The following KIAA0825 variants were observed in gnomAD, a reference collection of about 807,000 sequenced individuals.
The protein encoded by KIAA0825 is KIAA0825.
A neutral mutation model predicts 147.6 loss-of-function variants in KIAA0825; 119 were observed. The observed-to-expected ratio is 0.81, with a 90% confidence interval of 0.69 to 0.94. KIAA0825 has a LOEUF of 0.94. Ranked by LOEUF, KIAA0825 falls within the 40% of genes least tolerant of loss-of-function variation. The pLI is 0.00. For synonymous variants in KIAA0825, 470 were observed against 518.1 expected (o/e 0.91, Z 1.26); for missense variants, 1,381 against 1,472.7 (o/e 0.94, Z 1.02).
chr5:94,437,530 GATA>G (rs1756532182), intron 14 of KIAA0825, among the ~76,000 whole-genome samples: 1 of 152,154 alleles, frequency 6.6e-6, no homozygotes, highest in African/African-American at 2.4e-5. Flanking sequence ...TGATACCTTT[GATA>G]ACTCCAAGTT....
chr5:94,607,823 T>G (rs2079607847), intron 1 of KIAA0825, among the ~76,000 whole-genome samples: 1 of 152,164 alleles, frequency 6.6e-6, no homozygotes, highest in Admixed American at 6.5e-5. Flanking sequence ...GATAAATCAT[T>G]GTTTCTTTTG....
At position 94,386,354 on chromosome 5, in the gene KIAA0825, T is replaced by C. The variant is rs1377592220; in HGVS notation, c.3507A>G (p.Pro1169=). The C allele has an allele frequency of 1.7e-5, 26 of 1,551,762 alleles. No individual in the cohort carries two copies. The East Asian group carries it at 5.4e-4, about 32-fold the overall frequency. ...LFSMNSSEEK[P]LPIRPLKTTL... ...TCGTCTTTAAAGGTCGGATGGGTAA[T>C]GGCTTTTCCTCTGAACTATTCATAG... Residue 1169 remains proline, a synonymous_variant, in exon 19 of 21, where the codon CCA becomes CCG. Transcript: ENST00000682413.
rs200726923 is a variant in KIAA0825 at position 94,520,432 on chromosome 5, T to C, written c.786A>G (p.Leu262=). ...YSVIKEDFNT[L]CEILAPSSMV... The stretch of plus-strand genomic sequence containing the variant: ...TTGAAGATGGAGCTAAAATTTCACA[T>C]AGTGTGTTAAAATCCTCTTTTATTA... Residue 262 remains leucine (L), a synonymous_variant, in exon 5 of 21, where the codon CTA becomes CTG. Coordinates refer to ENST00000682413, the MANE Select transcript of KIAA0825 (RefSeq NM_001145678.3). The C allele has an allele frequency of 1.2e-6, 2 of 1,612,792 alleles. No homozygotes were observed. The highest frequency in any genetic ancestry group is 1.1e-5 in the South Asian group (1 of 91,046).
At chr5:94,329,093 T>C (rs144439414) in intron 20 of KIAA0825, among the ~76,000 whole-genome samples, 1 of 152,170 alleles carries the variant, frequency 6.6e-6, no homozygotes, top group Non-Finnish European at 1.5e-5. Context: ...GAAATGGAAA[T>C]TTTGCCACAT....
At chr5:94,487,050 AAG>A (rs1763139174) in intron 5 of KIAA0825, among the ~76,000 whole-genome samples, 1 of 152,176 alleles carries the variant, frequency 6.6e-6, no homozygotes. Context: ...AAGAATCTTT[AAG>A]AGTCAAAATT....
intron 7 of KIAA0825, among the ~76,000 whole-genome samples, chr5:94,474,577 A>G (rs776526530): frequency 6.6e-6 from 1 of 152,146 alleles, no homozygotes; most frequent in African/African-American, 2.4e-5. Flanking sequence ...ATTTTCTTAT[A>G]TGTACAACTC....
At chr5:94,196,393 CT>C (rs1562307076) in intron 20 of KIAA0825, among the ~76,000 whole-genome samples, 1 of 152,068 alleles carries the variant, frequency 6.6e-6, no homozygotes, top group East Asian at 1.9e-4. Context: ...TCACAATCTT[CT>C]TTTGCTTTGT....
At chr5:94,292,723 C>A (rs144197064) in intron 20 of KIAA0825, among the ~76,000 whole-genome samples, 1,534 of 152,190 alleles carry the variant, frequency 0.01, 27 homozygotes, top group African/African-American at 0.036. Flanking sequence ...TGGTAGAAAT[C>A]GGCTGTGAAT....
At chr5:94,607,779 G>T (rs1465199245) in intron 1 of KIAA0825, among the ~76,000 whole-genome samples, 2 of 152,212 alleles carry the variant, frequency 1.3e-5, no homozygotes, top group Non-Finnish European at 2.9e-5. Flanking sequence ...ATCAAGTAGT[G>T]AGCGGAGCTT....
chr5:94,573,944 G>A (rs960629669), intron 2 of KIAA0825, among the ~76,000 whole-genome samples: 3 of 152,072 alleles, frequency 2.0e-5, no homozygotes, highest in African/African-American at 7.2e-5. Context: ...TTAGAAATTT[G>A]GGCAAGATAA....
At chr5:94,364,790 G>T (rs1339041216) in intron 20 of KIAA0825, among the ~76,000 whole-genome samples, 1 of 152,078 alleles carries the variant, frequency 6.6e-6, no homozygotes, top group Non-Finnish European at 1.5e-5. Flanking sequence ...CCTCGGTAAG[G>T]TTTTCCTTTT....
At chr5:94,466,566 A>G (rs549499572) in intron 10 of KIAA0825, among the ~76,000 whole-genome samples, 2 of 151,916 alleles carry the variant, frequency 1.3e-5, no homozygotes, top group African/African-American at 4.8e-5. Context: ...AAGAAACCCC[A>G]TCTCTACTAA....
At chr5:94,569,751 G>A (rs1779541758) in intron 2 of KIAA0825, 2 of 262,322 alleles carry the variant, frequency 7.6e-6, no homozygotes, top group Non-Finnish European at 1.4e-5. Context: ...CACATCACCT[G>A]AGACGTAAAC....
intron 20 of KIAA0825, among the ~76,000 whole-genome samples, chr5:94,234,736 C>T (rs934837984): frequency 6.6e-6 from 1 of 152,136 alleles, no homozygotes; most frequent in African/African-American, 2.4e-5. Context: ...GCTCACTTAT[C>T]ACCAATGGGA....
intron 20 of KIAA0825, among the ~76,000 whole-genome samples, chr5:94,203,232 A>C (rs1771857592): frequency 6.6e-6 from 1 of 152,178 alleles, no homozygotes; most frequent in South Asian, 2.1e-4. Context: ...TGTCTTACAG[A>C]TTTTTCTCTC....
At chr5:94,217,255 A>T (rs543295576) in intron 20 of KIAA0825, among the ~76,000 whole-genome samples, 12 of 152,310 alleles carry the variant, frequency 7.9e-5, no homozygotes, top group African/African-American at 2.2e-4. Flanking sequence ...CGTATCATTT[A>T]AAAAAACTTT....
At chr5:94,374,412 T>G (rs1747209516) in intron 20 of KIAA0825, among the ~76,000 whole-genome samples, 1 of 152,226 alleles carries the variant, frequency 6.6e-6, no homozygotes, top group South Asian at 2.1e-4. Context: ...ATAACACATA[T>G]CCATATAATC....
chr5:94,406,757 G>C (rs1465476189), intron 15 of KIAA0825, among the ~76,000 whole-genome samples: 1 of 152,128 alleles, frequency 6.6e-6, no homozygotes, highest in Admixed American at 6.5e-5. Flanking sequence ...GTTCTACTAT[G>C]GCCTTGAAAA....
chr5:94,167,170 G>A (rs1422861652), intron 20 of KIAA0825, among the ~76,000 whole-genome samples: 1 of 152,006 alleles, frequency 6.6e-6, no homozygotes, highest in African/African-American at 2.4e-5. Context: ...TACGTTCTCC[G>A]GATGATGAAA....
Sources: allele counts gnomAD v4.1 joint callset (sites outside exome capture counted in the v4.1 genomes callset), GRCh38; gene constraint gnomAD v4.1.1; transcripts MANE v1.5; gene names NCBI Gene and HGNC (gene_info 2026-07-23, HGNC 2026-07-21).